Variants in ARL15 observed in about 807,000 individuals in gnomAD.
ARL15 encodes the protein ADP-ribosylation factor-like protein 15.
In ARL15, 19 loss-of-function variants were observed where a neutral mutation model predicts 25.2. The ratio of observed to expected loss-of-function variants is 0.75; its 90% CI spans 0.53 to 1.10. The LOEUF is 1.10. Among genes scored for constraint, ARL15 ranks in the 50% least tolerant of loss-of-function variants. The pLI, the probability that ARL15 is intolerant of heterozygous loss-of-function variation, is 0.00. For synonymous variants in ARL15, 94 were observed against 86.8 expected (o/e 1.08, Z -0.46); for missense variants, 220 against 246.0 (o/e 0.89, Z 0.71).
intron 1 of ARL15, among the ~76,000 whole-genome samples, chr5:54,237,597 G>T (rs763342945): frequency 6.6e-6 from 1 of 152,126 alleles, no homozygotes; most frequent in South Asian, 2.1e-4. Context: ...TATTTAAAAG[G>T]AAAGAAGACT....
intron 1 of ARL15, among the ~76,000 whole-genome samples, chr5:54,174,231 A>G (rs1201700676): frequency 6.6e-6 from 1 of 152,176 alleles, no homozygotes; most frequent in East Asian, 1.9e-4. Flanking sequence ...TAAGCAAAGA[A>G]AAAAGAAAAC....
chr5:54,054,121 C>T (rs970628805), intron 4 of ARL15, among the ~76,000 whole-genome samples: 1 of 152,106 alleles, frequency 6.6e-6, no homozygotes, highest in Non-Finnish European at 1.5e-5. Flanking sequence ...TTATCTGTAA[C>T]CTACAGCCAT....
intron 3 of ARL15, among the ~76,000 whole-genome samples, chr5:54,118,256 G>C (rs1443248551): frequency 6.6e-6 from 1 of 152,016 alleles, no homozygotes; most frequent in East Asian, 1.9e-4. Flanking sequence ...CTCCCTTTTT[G>C]AGTTATCTAT....
In ARL15 at chr5:54,020,835, G is replaced by A. The variant is rs568853625; in HGVS notation, c.462+92367C>T. On this transcript the variant is annotated intron_variant, in intron 4 of 4. Coordinates refer to ENST00000504924, the MANE Select transcript of ARL15 (RefSeq NM_019087.3). Reference sequence around the variant, plus strand: ...CTGGCTGTGGTGGCTGGCACCTGTAGTCCCAGCTACTCAAGAGGCTGAGGC... The same window carrying A: ...CTGGCTGTGGTGGCTGGCACCTGTAATCCCAGCTACTCAAGAGGCTGAGGC... Among the ~76,000 whole-genome samples, 795 of 151,674 alleles carry A rather than the reference G, an allele frequency of 5.2e-3. 3 individuals are homozygous for A. The highest frequency in any genetic ancestry group is 0.011 in the Admixed American group (167 of 15,200).
intron 1 of ARL15, among the ~76,000 whole-genome samples, chr5:54,284,307 G>A (rs1481996580): frequency 1.3e-5 from 2 of 152,094 alleles, no homozygotes; most frequent in Non-Finnish European, 1.5e-5. Flanking sequence ...GTTTTGCCAT[G>A]TTTCCCAGGC....
chr5:54,155,972 AT>A (rs1285747281), intron 2 of ARL15, among the ~76,000 whole-genome samples: 1 of 152,234 alleles, frequency 6.6e-6, no homozygotes, highest in East Asian at 1.9e-4. Context: ...TAATTTTAAG[AT>A]TAAAAAAGTT....
intron 1 of ARL15, among the ~76,000 whole-genome samples, chr5:54,217,937 G>A (rs897916521): frequency 2.2e-4 from 33 of 151,646 alleles, no homozygotes; most frequent in African/African-American, 8.0e-4. Context: ...TTAAAAGGGG[G>A]AAAAAAAATC....
intron 2 of ARL15, 76 bp from the exon 3 acceptor site, chr5:54,154,715 CT>C (rs1754171857): frequency 1.2e-6 from 1 of 823,934 alleles, no homozygotes; most frequent in African/African-American, 1.8e-5. Context: ...CTCAAATTGT[CT>C]CTTTTTAGGC....
Position 54,056,626 on chromosome 5 carries a change from T to TA in ARL15, c.462+56575dup, listed in dbSNP as rs34643850. Among the ~76,000 whole-genome samples the TA allele has an allele frequency of 3.1e-3, 347 of 112,628 alleles. 2 individuals are homozygous for TA. In the East Asian group the frequency reaches 0.032, roughly 10 times the overall value. The allele number at this position is 112,628 out of a possible 152,430, so 73.9% of individuals were successfully genotyped here. A position where few individuals can be genotyped will look rare whatever the true frequency, so the allele number is the denominator to read the frequency against. On this transcript the variant is annotated intron_variant, in intron 4 of 4. Coordinates refer to ENST00000504924, the MANE Select transcript of ARL15 (RefSeq NM_019087.3). Reference sequence around the variant, plus strand: ...GCCTGGGTAACAGAGTAAAACTGTCTAAAAAAAAAAAAAAAAAAGTCTGAT... The same window carrying TA: ...GCCTGGGTAACAGAGTAAAACTGTCTAAAAAAAAAAAAAAAAAAAGTCTGAT...
chr5:54,023,117 C>G (rs973249428), intron 4 of ARL15, among the ~76,000 whole-genome samples: 2 of 151,648 alleles, frequency 1.3e-5, no homozygotes, highest in African/African-American at 4.8e-5. Context: ...AGAAACTAGA[C>G]TGAAAAAATA....
At chr5:54,078,170 C>G (rs1285039895) in intron 4 of ARL15, among the ~76,000 whole-genome samples, 1 of 152,070 alleles carries the variant, frequency 6.6e-6, no homozygotes, top group Non-Finnish European at 1.5e-5. Context: ...TTCCTAACAC[C>G]CAAATTGATG....
chr5:53,893,626 A>G (rs947536585), intron 4 of ARL15, among the ~76,000 whole-genome samples: 1 of 152,090 alleles, frequency 6.6e-6, no homozygotes, highest in African/African-American at 2.4e-5. Context: ...CAAACAAACA[A>G]ACAAACAAAG....
At position 54,095,423 on chromosome 5, in the gene ARL15, T is replaced by G. The variant is rs1445921160; in HGVS notation, c.462+17779A>C. Among the ~76,000 whole-genome samples the G allele has an allele frequency of 2.0e-5, 3 of 152,174 alleles. No homozygotes were observed. The South Asian group carries it at 6.2e-4, about 32-fold the overall frequency. Reference sequence around the variant, plus strand: ...TGTCCCCAAAGACCCTTTTCTACTGTCCTTTTCCCTTCTCATCTCTTGTTT... The same window carrying G: ...TGTCCCCAAAGACCCTTTTCTACTGGCCTTTTCCCTTCTCATCTCTTGTTT... On this transcript the variant is annotated intron_variant, in intron 4 of 4. Coordinates refer to ENST00000504924, the MANE Select transcript of ARL15 (RefSeq NM_019087.3).
At chr5:53,985,096 T>C (rs1290675105) in intron 4 of ARL15, among the ~76,000 whole-genome samples, 1 of 152,154 alleles carries the variant, frequency 6.6e-6, no homozygotes, top group Non-Finnish European at 1.5e-5. Flanking sequence ...GCCCATGTGT[T>C]TACATAGAGG....
At chr5:54,163,094 A>G (rs1016672219) in intron 2 of ARL15, among the ~76,000 whole-genome samples, 3 of 152,034 alleles carry the variant, frequency 2.0e-5, no homozygotes, top group African/African-American at 7.2e-5. Flanking sequence ...CTTTGTTAAT[A>G]GCTTTTGTCA....
chr5:54,268,965 G>C (rs1292279354), intron 1 of ARL15, among the ~76,000 whole-genome samples: 1 of 151,566 alleles, frequency 6.6e-6, no homozygotes, highest in African/African-American at 2.4e-5. Flanking sequence ...GTAAACTATC[G>C]CAAGAACAAA....
chr5:54,119,684 C>T (rs1482728548), intron 3 of ARL15, among the ~76,000 whole-genome samples: 1 of 152,164 alleles, frequency 6.6e-6, no homozygotes, highest in South Asian at 2.1e-4. Flanking sequence ...AGATACTCCA[C>T]AAATGAGCAA....
intron 1 of ARL15, among the ~76,000 whole-genome samples, chr5:54,279,295 A>C (rs1245160760): frequency 6.6e-6 from 1 of 152,124 alleles, no homozygotes; most frequent in African/African-American, 2.4e-5. Flanking sequence ...GCCAAAACAA[A>C]ATACCTTAGA....
intron 4 of ARL15, among the ~76,000 whole-genome samples, chr5:54,029,680 A>G (rs31229): frequency 0.41 from 61,914 of 151,870 alleles, 12,966 homozygotes; most frequent in African/African-American, 0.51. Flanking sequence ...GTAACACAGA[A>G]AGACCCTGTC....
Sources: gnomAD v4.1 joint callset for allele counts (sites outside exome capture counted in the v4.1 genomes callset) on GRCh38, gnomAD v4.1.1 for gene constraint, MANE v1.5 for transcripts, NCBI Gene and HGNC (gene_info 2026-07-23, HGNC 2026-07-21) for gene names.